The following ZNF37A variants were observed in gnomAD, a reference collection of about 807,000 sequenced individuals.
ZNF37A encodes zinc finger protein 37A.
Under a neutral mutation model 12.3 loss-of-function variants are expected in ZNF37A, and 10 were observed. The ratio of observed to expected loss-of-function variants is 0.82; its 90% CI spans 0.50 to 1.38. The LOEUF is 1.38. Ranked by LOEUF, ZNF37A falls within the 40% of genes most tolerant of loss-of-function variation. The pLI is 0.00. For synonymous variants in ZNF37A, 207 were observed against 223.0 expected, an observed-to-expected ratio of 0.93 and a Z score of 0.64; for missense variants, 580 against 651.2, an observed-to-expected ratio of 0.89 and a Z score of 1.19.
At chr10:38,130,721 C>T (rs1767162969) in intron 7 of ZNF37A, among the ~76,000 whole-genome samples, 1 of 152,052 alleles carries the variant, frequency 6.6e-6, no homozygotes. Flanking sequence ...CCACCTGTCT[C>T]GCCCTCCCAA....
rs35992707 is a variant in ZNF37A, at chr10:38,095,081, TCC to T, written c.-338_-337del. The T allele has an allele frequency of 6.6e-6, 1 of 152,582 alleles. No individual in the cohort carries two copies. Among genetic ancestry groups the T allele is most frequent in the Non-Finnish European group, 1.5e-5 (1 of 68,308 alleles). The allele number at this position is 152,582 out of a possible 1,614,324, so 9.5% of individuals were successfully genotyped here. On this transcript the variant is annotated 5_prime_UTR_variant, in exon 2 of 8. Coordinates refer to ENST00000685332, the MANE Select transcript of ZNF37A (RefSeq NM_001324250.3). ...CCGGCACTGTCCAGCCTCGCCTGTGTCCCCATTAGCACCAGTGGGCATTTTCA... is the reference window on the plus strand; with the variant it reads ...CCGGCACTGTCCAGCCTCGCCTGTGTCCATTAGCACCAGTGGGCATTTTCA...
chr10:38,125,674 C>T (rs2069914207), downstream of ZNF37A: 1 of 152,134 alleles, frequency 6.6e-6, no homozygotes, highest in African/African-American at 2.4e-5. Flanking sequence ...AATTTCTGAT[C>T]TTGAAACCAG....
At chr10:38,114,472 C>G (rs1253012174) in intron 5 of ZNF37A, among the ~76,000 whole-genome samples, 2 of 152,102 alleles carry the variant, frequency 1.3e-5, no homozygotes, top group Non-Finnish European at 1.5e-5. Flanking sequence ...AAGGAAGACT[C>G]CTGTGTTCAA....
At chr10:38,096,777 T>C (rs2067186288) in intron 5 of ZNF37A, 145 bp downstream of exon 5, 4 of 725,396 alleles carry the variant, frequency 5.5e-6, no homozygotes, top group Non-Finnish European at 8.7e-6. Flanking sequence ...AAATGCAGCC[T>C]GCCGCATGTT....
chr10:38,146,850 A>T (rs1010719497), exon 8 of ZNF37A: 1 of 397,988 alleles, frequency 2.5e-6, no homozygotes, highest in Non-Finnish European at 4.4e-6. Context: ...AAGACACAGA[A>T]ATAAAGTGCA....
At chr10:38,133,575 C>T (rs1229386687) in intron 7 of ZNF37A, among the ~76,000 whole-genome samples, 1 of 149,336 alleles carries the variant, frequency 6.7e-6, no homozygotes, top group Non-Finnish European at 1.5e-5. Context: ...GTTTGGTTTT[C>T]TGTCCTTGTG....
downstream of ZNF37A, among the ~76,000 whole-genome samples, chr10:38,126,309 C>G (rs2069926257): frequency 6.6e-6 from 1 of 152,178 alleles, no homozygotes; most frequent in African/African-American, 2.4e-5. Context: ...CTCTCTCATT[C>G]CTGTTTTCCC....
intron 5 of ZNF37A, among the ~76,000 whole-genome samples, chr10:38,112,793 T>TTCTTTTCTTTTCTTTTCTTG (rs1554929952): frequency 6.2e-5 from 3 of 48,776 alleles, no homozygotes; most frequent in South Asian, 5.4e-4. Context: ...TTCTTTTCTT[T>TTCTTTTCTTTTCTTTTCTTG]TCTTGTCTTG....
In ZNF37A at chr10:38,117,854, A is replaced by C; in HGVS notation, c.703A>C (p.Arg235=). 1 of 1,614,070 alleles carries C rather than the reference A, an allele frequency of 6.2e-7. No individual in the cohort carries two copies. The highest frequency in any genetic ancestry group is 1.7e-4 in the Middle Eastern group (1 of 6,060). ...SQKLNLTPIQ[R]THSINNIIEY... ...GAAGTTAAATCTCACTCCAATTCAGAGAACCCACTCAATTAACAATATTAT... is the reference window on the plus strand; with the variant it reads ...GAAGTTAAATCTCACTCCAATTCAGCGAACCCACTCAATTAACAATATTAT... The change falls in exon 8 of 8, where the codon AGA becomes CGA. Residue 235 remains arginine, a synonymous_variant. Coordinates refer to ENST00000685332, the MANE Select transcript of ZNF37A (RefSeq NM_001324250.3).
Position 38,115,494 on chromosome 10 carries a change from T to TTA in ZNF37A, c.238+205_238+206insAT, listed in dbSNP as rs1296670286. On this transcript the variant is annotated intron_variant, in intron 7 of 7. Coordinates refer to ENST00000685332, the MANE Select transcript of ZNF37A (RefSeq NM_001324250.3). ...GTATCACTTTCATACACACATCTTG[T>TTA]TGTTTTTTTTAAATTGTGATATAAA... is the stretch of plus-strand genomic sequence containing the variant. 58 of 586,548 alleles carry TTA rather than the reference T, an allele frequency of 9.9e-5. No individual in the cohort carries two copies. In the African/African-American group the frequency reaches 1.0e-3, roughly 10 times the overall value. 36.3% of individuals were successfully genotyped at this position (586,548 alleles called of 1,614,324 possible).
chr10:38,103,201 C>A (rs191432342), intron 5 of ZNF37A, among the ~76,000 whole-genome samples: 1 of 152,196 alleles, frequency 6.6e-6, no homozygotes, highest in Non-Finnish European at 1.5e-5. Context: ...TCTCTTGGAT[C>A]TCTTAGGCAC....
intron 6 of ZNF37A, 142 bp downstream of exon 6, chr10:38,115,023 C>T: frequency 7.7e-7 from 1 of 1,296,886 alleles, no homozygotes; most frequent in Non-Finnish European, 1.1e-6. Context: ...TTTTGGATAC[C>T]AGAAAGAATG....
In ZNF37A at chr10:38,143,662, C is replaced by T. The variant is rs575319413; in HGVS notation, c.239-3070C>T. ...TATGAACTGTCAGGAAGGAGCCCTT[C>T]ATTGCTCTGTTGTCAAGAATGGCAG... On this transcript the variant is annotated intron_variant, in intron 7 of 7. Transcript: ENST00000638053. 4 of 152,342 alleles carry T rather than the reference C, an allele frequency of 2.6e-5. No individual in the cohort carries two copies. In the East Asian group the frequency reaches 7.7e-4, roughly 29 times the overall value. The allele number at this position is 152,342 out of a possible 1,614,324, so 9.4% of individuals were successfully genotyped here.
chr10:38,144,363 A>G (rs914145593), intron 7 of ZNF37A: 1 of 152,202 alleles, frequency 6.6e-6, no homozygotes, highest in Non-Finnish European at 1.5e-5. Flanking sequence ...GTTTTAAAAA[A>G]TCACATACTC....
rs1157994273 is a variant in ZNF37A at position 38,122,929 on chromosome 10, G to C, written c.*4092G>C. The C allele has an allele frequency of 6.6e-6, 1 of 152,188 alleles. No homozygotes were observed. Among genetic ancestry groups the C allele is most frequent in the Admixed American group, 6.5e-5 (1 of 15,276 alleles). 9.4% of individuals were successfully genotyped at this position (152,188 alleles called of 1,614,324 possible). On this transcript the variant is annotated 3_prime_UTR_variant, in exon 8 of 8. Transcript: ENST00000685332. The stretch of plus-strand genomic sequence containing the variant: ...ATTTGCAAACTATCCATCTGTATTA[G>C]GCCATTTTTGAAGTACTACAAAGAA...
intron 7 of ZNF37A, among the ~76,000 whole-genome samples, chr10:38,132,383 C>T (rs946290938): frequency 6.0e-4 from 91 of 152,130 alleles, no homozygotes; most frequent in African/African-American, 2.1e-3. Flanking sequence ...CCCCTTTCTT[C>T]TATTAATAAT....
downstream of ZNF37A, among the ~76,000 whole-genome samples, chr10:38,126,016 A>G (rs1033188548): frequency 6.6e-6 from 1 of 152,112 alleles, no homozygotes; most frequent in African/African-American, 2.4e-5. Context: ...GGAAGACAGC[A>G]CTAAGCCATA....
intron 5 of ZNF37A, 58 bp from the exon 6 acceptor site, chr10:38,114,696 CT>C: frequency 6.2e-7 from 1 of 1,611,644 alleles, no homozygotes; most frequent in Non-Finnish European, 8.5e-7. Flanking sequence ...CCCTAAACAT[CT>C]TTTTTCACGT....
At position 38,122,590 on chromosome 10, in the gene ZNF37A, T is replaced by C. The variant is rs527873752; in HGVS notation, c.*3753T>C. On this transcript the variant is annotated 3_prime_UTR_variant, in exon 8 of 8. Coordinates refer to ENST00000685332, the MANE Select transcript of ZNF37A (RefSeq NM_001324250.3). Reference sequence around the variant, plus strand: ...AACATACACTGGGGAAAAGATAATGTCTTTAATAAATGGTGCTGGGAAAAC... The same window carrying C: ...AACATACACTGGGGAAAAGATAATGCCTTTAATAAATGGTGCTGGGAAAAC... The C allele has an allele frequency of 1.3e-5, 2 of 152,304 alleles. No individual in the cohort carries two copies. Among genetic ancestry groups the C allele is most frequent in the African/African-American group, 4.8e-5 (2 of 41,556 alleles). 9.4% of individuals were successfully genotyped at this position (152,304 alleles called of 1,614,324 possible).
Sources: gnomAD v4.1 joint callset for allele counts (sites outside exome capture counted in the v4.1 genomes callset) on GRCh38, gnomAD v4.1.1 for gene constraint, MANE v1.5 for transcripts, NCBI Gene and HGNC (gene_info 2026-07-23, HGNC 2026-07-21) for gene names.